Variants in MCTP2 observed in about 807,000 individuals in gnomAD.
MCTP2 encodes the protein multiple C2 and transmembrane domain containing 2, also known as multiple C2 and transmembrane domain-containing protein 2.
MCTP2 carries 132 observed loss-of-function variants against 111.6 expected under a neutral mutation model. The observed-to-expected ratio is 1.18, with a 90% CI of 1.03 to 1.37. MCTP2 has a LOEUF of 1.37. MCTP2 is among the 40% of genes most tolerant of loss of function. The probability of loss-of-function intolerance (pLI) is 0.00; values close to 1 mark genes in which losing one functional copy is unlikely to be tolerated. For synonymous variants in MCTP2, 395 were observed against 387.7 expected (o/e 1.02, Z -0.22); for missense variants, 1,183 against 1,067.9 (o/e 1.11, Z -1.50).
intron 17 of MCTP2, chr15:94,402,221 G>GTATA (rs72647777): frequency 1.1e-6 from 1 of 893,500 alleles, no homozygotes. Flanking sequence ...CACTACTGTT[G>GTATA]TATATATATG....
chr15:94,381,507 C>A (rs2152452915), intron 12 of MCTP2, among the ~76,000 whole-genome samples: 1 of 152,300 alleles, frequency 6.6e-6, no homozygotes, highest in African/African-American at 2.4e-5. Context: ...GCGGGAGCCA[C>A]AGAACGAGCC....
intron 1 of MCTP2, among the ~76,000 whole-genome samples, chr15:94,265,695 T>G (rs987683244): frequency 2.0e-5 from 3 of 152,196 alleles, no homozygotes; most frequent in African/African-American, 7.2e-5. Context: ...ACATTTAAAA[T>G]GGGTAAATTG....
chr15:94,246,995 C>T (rs931061778), intron 1 of MCTP2, among the ~76,000 whole-genome samples: 1 of 152,124 alleles, frequency 6.6e-6, no homozygotes, highest in Non-Finnish European at 1.5e-5. Context: ...CTCCCATGAT[C>T]TGGGCAAATG....
chr15:94,323,575 T>C (rs11852581), intron 4 of MCTP2, among the ~76,000 whole-genome samples: 1 of 151,900 alleles, frequency 6.6e-6, no homozygotes, highest in Non-Finnish European at 1.5e-5. Flanking sequence ...GCCTTGACAA[T>C]AGGAGGTCTG....
chr15:94,472,475 A>C (rs1401664508), intron 21 of MCTP2, among the ~76,000 whole-genome samples: 3 of 152,162 alleles, frequency 2.0e-5, no homozygotes, highest in African/African-American at 7.2e-5. Flanking sequence ...CTATATCCAA[A>C]TCACCTTGGC....
intron 1 of MCTP2, among the ~76,000 whole-genome samples, chr15:94,263,341 C>G (rs2073311600): frequency 6.6e-6 from 1 of 152,176 alleles, no homozygotes. Context: ...AAACACTGGA[C>G]CATTGCTTGT....
upstream of MCTP2, chr15:94,231,409 G>C (rs2070153751): frequency 6.6e-6 from 1 of 152,336 alleles, no homozygotes; most frequent in Non-Finnish European, 1.5e-5. Flanking sequence ...ACACCCGGCC[G>C]AGCTCCCGGC....
At chr15:94,271,360 C>G (rs943922622) in intron 1 of MCTP2, among the ~76,000 whole-genome samples, 1 of 152,168 alleles carries the variant, frequency 6.6e-6, no homozygotes, top group Non-Finnish European at 1.5e-5. Flanking sequence ...TACTTGTATT[C>G]TTACATGAGA....
At chr15:94,245,350 A>G (rs1353346951) in intron 1 of MCTP2, among the ~76,000 whole-genome samples, 1 of 133,906 alleles carries the variant, frequency 7.5e-6, no homozygotes, top group African/African-American at 2.6e-5. Flanking sequence ...ATATTTACAT[A>G]CATATGTATA....
rs1416740232 is a variant in MCTP2 at position 94,298,612 on chromosome 15, TGGAAACAG to T, written c.348_355del (p.Glu117LeufsTer10). ...GAAGAAGCCAGTCACCTCCATGTGG[TGGAAACAG>T]ACTCAGAGGAGGCCTATGCCTCTCC... On this transcript the variant is annotated frameshift_variant, in exon 2 of 23. Transcript: ENST00000357742. LOFTEE classifies it high-confidence loss of function. 1 of 1,614,064 alleles carries T rather than the reference TGGAAACAG, an allele frequency of 6.2e-7. No individual in the cohort carries two copies.
At chr15:94,466,956 A>G (rs374363098) in intron 20 of MCTP2, among the ~76,000 whole-genome samples, 1 of 152,226 alleles carries the variant, frequency 6.6e-6, no homozygotes, top group East Asian at 1.9e-4. Context: ...AAACTCTACC[A>G]GATATCAATA....
intron 1 of MCTP2, among the ~76,000 whole-genome samples, chr15:94,233,940 G>A (rs773407003): frequency 6.6e-6 from 1 of 152,168 alleles, no homozygotes; most frequent in Non-Finnish European, 1.5e-5. Context: ...AAATTACCTT[G>A]AATTGTTGCC....
intron 1 of MCTP2, among the ~76,000 whole-genome samples, chr15:94,251,772 A>G (rs375346294): frequency 4.6e-5 from 7 of 152,284 alleles, no homozygotes; most frequent in African/African-American, 1.7e-4. Flanking sequence ...AACTGTGTCC[A>G]TTAAACACTG....
At chr15:94,465,418 A>G (rs1032102364) in intron 20 of MCTP2, among the ~76,000 whole-genome samples, 1 of 152,178 alleles carries the variant, frequency 6.6e-6, no homozygotes, top group Non-Finnish European at 1.5e-5. Context: ...ATTAACAATA[A>G]TAATGAAATA....
intron 18 of MCTP2, among the ~76,000 whole-genome samples, chr15:94,441,703 A>G (rs908382937): frequency 6.6e-6 from 1 of 152,240 alleles, no homozygotes; most frequent in Non-Finnish European, 1.5e-5. Flanking sequence ...TTATGAAACT[A>G]CAGTGCATAG....
chr15:94,416,970 C>G (rs2082405496), intron 17 of MCTP2, among the ~76,000 whole-genome samples: 1 of 152,104 alleles, frequency 6.6e-6, no homozygotes, highest in African/African-American at 2.4e-5. Flanking sequence ...AGGTTTCAAA[C>G]ATGTTCCCTC....
intron 2 of MCTP2, among the ~76,000 whole-genome samples, chr15:94,304,933 T>C (rs1163908876): frequency 6.6e-6 from 1 of 152,168 alleles, no homozygotes; most frequent in East Asian, 1.9e-4. Context: ...TTTCATTAAT[T>C]GTATGTTATC....
At chr15:94,353,940 A>G (rs886908860) in intron 8 of MCTP2, among the ~76,000 whole-genome samples, 1 of 152,060 alleles carries the variant, frequency 6.6e-6, no homozygotes, top group Non-Finnish European at 1.5e-5. Flanking sequence ...GTTTATGACC[A>G]ATACAAAAAT....
intron 4 of MCTP2, among the ~76,000 whole-genome samples, chr15:94,332,085 G>C (rs939574023): frequency 1.3e-5 from 2 of 152,088 alleles, no homozygotes; most frequent in African/African-American, 4.8e-5. Context: ...AAGTAATATA[G>C]ATTTTTCTCT....
Sources: allele counts gnomAD v4.1 joint callset (sites outside exome capture counted in the v4.1 genomes callset), GRCh38; gene constraint gnomAD v4.1.1; transcripts MANE v1.5; gene names NCBI Gene and HGNC (gene_info 2026-07-23, HGNC 2026-07-21).